Variants in RUNX1 observed in about 807,000 individuals in gnomAD.
RUNX1 encodes RUNX family transcription factor 1, also known as runt-related transcription factor 1.
A neutral mutation model predicts 42.8 loss-of-function variants in RUNX1; 19 were observed. That is an observed-to-expected ratio of 0.44 (90% CI 0.31 to 0.65). RUNX1 has a LOEUF of 0.65. Ranked by LOEUF, RUNX1 falls within the 30% of genes least tolerant of loss-of-function variation. The probability of loss-of-function intolerance (pLI) is 0.07; values close to 1 mark genes in which losing one functional copy is unlikely to be tolerated. For missense variants in RUNX1, 528 were observed against 672.0 expected (o/e 0.79, Z 2.37); for synonymous variants, 271 against 289.4 (o/e 0.94, Z 0.64).
At chr21:34,871,846 C>CTT (rs10546742) in intron 5 of RUNX1, among the ~76,000 whole-genome samples, 2 of 143,248 alleles carry the variant, frequency 1.4e-5, no homozygotes, top group Non-Finnish European at 1.5e-5. Context: ...GCTTTTATCA[C>CTT]TTTTTTTTTT....
At chr21:34,932,890 T>G in intron 2 of RUNX1, among the ~76,000 whole-genome samples, 1 of 152,212 alleles carries the variant, frequency 6.6e-6, no homozygotes, top group South Asian at 2.1e-4. Flanking sequence ...ATCCATGATT[T>G]TCTGACCAAT....
intron 2 of RUNX1, among the ~76,000 whole-genome samples, chr21:34,991,999 T>G (rs961402298): frequency 6.6e-6 from 1 of 152,218 alleles, no homozygotes; most frequent in Non-Finnish European, 1.5e-5. Flanking sequence ...CCCTAGAGCC[T>G]GCACAGGGAG....
At chr21:34,942,546 G>A (rs1047844802) in intron 2 of RUNX1, among the ~76,000 whole-genome samples, 4 of 152,138 alleles carry the variant, frequency 2.6e-5, no homozygotes, top group Admixed American at 6.5e-5. Context: ...GGGCTTAATT[G>A]ATATTTCCAT....
At position 34,957,252 on chromosome 21, in the gene RUNX1, A is replaced by C. The variant is rs139026694; in HGVS notation, c.59-64289T>G. ...AAAGCGTTATGGGGCACTAAATGTG[A>C]TAATTATCAATTATAAAACCTCACT... On this transcript the variant is annotated intron_variant, in intron 2 of 8. Transcript: ENST00000675419. 2.0e-5 allele frequency among the ~76,000 whole-genome samples: 3 copies of C among 152,290 alleles called. No individual in the cohort carries two copies. In the East Asian group the frequency reaches 5.8e-4, roughly 29 times the overall value.
intron 2 of RUNX1, among the ~76,000 whole-genome samples, chr21:34,945,004 ATC>A (rs1156728021): frequency 6.6e-6 from 1 of 152,216 alleles, no homozygotes; most frequent in African/African-American, 2.4e-5. Flanking sequence ...CTTCTAAATG[ATC>A]TGTTTCATAA....
At position 34,907,783 on chromosome 21, in the gene RUNX1, T is replaced by C. The variant is rs1187725203; in HGVS notation, c.59-14820A>G. The stretch of plus-strand genomic sequence containing the variant: ...GAAATAAAACAGAGTGAAGCTGTTT[T>C]GAAGGCCATCCTTCTGTGGAATAGC... On this transcript the variant is annotated intron_variant, in intron 2 of 8. Transcript: ENST00000675419. The surrounding 1 kb of genome is among the most constrained non-coding windows in gnomAD (Gnocchi z 5.3). Among the ~76,000 whole-genome samples, 1 of 152,240 alleles carries C rather than the reference T, an allele frequency of 6.6e-6. No individual in the cohort carries two copies. The highest frequency in any genetic ancestry group is 2.4e-5 in the African/African-American group (1 of 41,466).
At chr21:34,815,106 C>A (rs2145971849) in intron 7 of RUNX1, among the ~76,000 whole-genome samples, 1 of 152,186 alleles carries the variant, frequency 6.6e-6, no homozygotes, top group Non-Finnish European at 1.5e-5. Context: ...GTCTCAACAG[C>A]ACCTCTGAAT....
At chr21:34,930,663 T>TTGAA (rs1356890906) in intron 2 of RUNX1, among the ~76,000 whole-genome samples, 1 of 151,582 alleles carries the variant, frequency 6.6e-6, no homozygotes, top group African/African-American at 2.4e-5. Context: ...AGTTCTTCAA[T>TTGAA]TGGAATGAAT....
In RUNX1 at chr21:35,034,219, T is replaced by A. The variant is rs150801500; in HGVS notation, c.58+14623A>T. Among the ~76,000 whole-genome samples, 1,301 of 152,340 alleles carry A rather than the reference T, an allele frequency of 8.5e-3. 15 individuals are homozygous for A. Among genetic ancestry groups the A allele is most frequent in the African/African-American group, 0.03 (1,234 of 41,576 alleles). On this transcript the variant is annotated intron_variant, in intron 2 of 8. Transcript: ENST00000675419. ...TCTGTAAAATTAGGGAGAGTAATTG[T>A]CTCCACTGTGTAGATAACAGAGATG...
intron 2 of RUNX1, among the ~76,000 whole-genome samples, chr21:35,040,544 C>T (rs575397578): frequency 4.6e-5 from 7 of 151,984 alleles, no homozygotes; most frequent in South Asian, 4.2e-4. Flanking sequence ...GAGGCTGAGG[C>T]GGGCAGATCA....
At chr21:34,966,820 G>A (rs943420947) in intron 2 of RUNX1, among the ~76,000 whole-genome samples, 1 of 152,064 alleles carries the variant, frequency 6.6e-6, no homozygotes, top group Non-Finnish European at 1.5e-5. Context: ...AAGAGTTTTC[G>A]ATTTTCACTT....
chr21:34,819,974 CT>C (rs1170771547), intron 7 of RUNX1, among the ~76,000 whole-genome samples: 1 of 152,246 alleles, frequency 6.6e-6, no homozygotes, highest in Non-Finnish European at 1.5e-5. Flanking sequence ...GACGGTGAAA[CT>C]TGGTTAAAAG....
chr21:34,918,090 T>C (rs1489864409), intron 2 of RUNX1, among the ~76,000 whole-genome samples: 1 of 136,428 alleles, frequency 7.3e-6, no homozygotes, highest in Non-Finnish European at 1.5e-5. Flanking sequence ...ATTGAGCCAC[T>C]GCACTCCAGC....
intron 2 of RUNX1, among the ~76,000 whole-genome samples, chr21:34,969,718 G>A (rs866154888): frequency 2.6e-5 from 4 of 151,204 alleles, no homozygotes; most frequent in Non-Finnish European, 5.9e-5. Context: ...ATAAATGACT[G>A]CACTCGTGGG....
intron 2 of RUNX1, among the ~76,000 whole-genome samples, chr21:35,006,041 T>C (rs972944413): frequency 6.6e-6 from 1 of 152,220 alleles, no homozygotes; most frequent in African/African-American, 2.4e-5. Flanking sequence ...GCTCACATCA[T>C]TGTTGGCAGG....
At chr21:34,997,749 T>C (rs533241260) in intron 2 of RUNX1, among the ~76,000 whole-genome samples, 2 of 152,222 alleles carry the variant, frequency 1.3e-5, no homozygotes, top group Non-Finnish European at 2.9e-5. Flanking sequence ...CCACTTCCTC[T>C]TGCTTTGGAG....
intron 7 of RUNX1, among the ~76,000 whole-genome samples, chr21:34,807,475 A>G (rs1270705687): frequency 6.6e-6 from 1 of 152,246 alleles, no homozygotes; most frequent in East Asian, 1.9e-4. Context: ...CACATAGACC[A>G]CAGGGTTCTA....
intron 2 of RUNX1, among the ~76,000 whole-genome samples, chr21:35,027,633 G>C (rs1160626195): frequency 1.3e-5 from 2 of 152,246 alleles, no homozygotes; most frequent in Non-Finnish European, 2.9e-5. Flanking sequence ...AAAAATCCTA[G>C]TTGGGAGTGG....
At chr21:35,040,631 G>A (rs2059350387) in intron 2 of RUNX1, among the ~76,000 whole-genome samples, 1 of 151,928 alleles carries the variant, frequency 6.6e-6, no homozygotes, top group African/African-American at 2.4e-5. Flanking sequence ...AATTAGCCGG[G>A]CGTGGTGGCA....
Sources: gnomAD v4.1 joint callset for allele counts (sites outside exome capture counted in the v4.1 genomes callset) on GRCh38, gnomAD v4.1.1 for gene constraint, Gnocchi (gnomAD v3.1) non-coding constraint, MANE v1.5 for transcripts, NCBI Gene and HGNC (gene_info 2026-07-23, HGNC 2026-07-21) for gene names.